STK10: variants seen among roughly 807,000 people sequenced by gnomAD.
STK10 encodes the protein serine/threonine kinase 10.
In STK10, 78 loss-of-function variants were observed where a neutral mutation model predicts 113.8. The observed-to-expected ratio is 0.69, with a 90% confidence interval of 0.57 to 0.83. The LOEUF (loss-of-function observed/expected upper bound fraction) is 0.83, where lower values mean the gene tolerates loss of function less well. Ranked by LOEUF, STK10 falls within the 40% of genes least tolerant of loss-of-function variation. The pLI, the probability that STK10 is intolerant of heterozygous loss-of-function variation, is 0.00. For missense variants in STK10, 1,109 were observed against 1,280.1 expected, an observed-to-expected ratio of 0.87 and a Z score of 2.04; for synonymous variants, 465 against 494.7, an observed-to-expected ratio of 0.94 and a Z score of 0.80.
At chr5:172,103,818 T>TAAGCTAAGCGCTTCA (rs1365194117) in intron 7 of STK10, among the ~76,000 whole-genome samples, 1 of 152,226 alleles carries the variant, frequency 6.6e-6, no homozygotes, top group Non-Finnish European at 1.5e-5. Flanking sequence ...GCTTAAGAGT[T>TAAGCTAAGCGCTTCA]AAGCTAAGCG....
At chr5:172,065,436 G>T (rs1438392227) in intron 12 of STK10, among the ~76,000 whole-genome samples, 1 of 152,004 alleles carries the variant, frequency 6.6e-6, no homozygotes, top group Non-Finnish European at 1.5e-5. Flanking sequence ...TGTTGGCCAG[G>T]CTGGTCTCAA....
intron 1 of STK10, among the ~76,000 whole-genome samples, chr5:172,180,950 C>T (rs1028092544): frequency 1.3e-5 from 2 of 152,212 alleles, no homozygotes; most frequent in Non-Finnish European, 2.9e-5. Flanking sequence ...TGCTATAATG[C>T]TAAGGTCGTA....
intron 2 of STK10, among the ~76,000 whole-genome samples, chr5:172,147,257 C>T (rs34002428): frequency 0.086 from 13,064 of 152,196 alleles, 652 homozygotes; most frequent in South Asian, 0.14. Flanking sequence ...CCAGAGGTTC[C>T]CTGAACCCTA....
At chr5:172,135,562 T>C (rs1769836853) in intron 2 of STK10, among the ~76,000 whole-genome samples, 1 of 151,946 alleles carries the variant, frequency 6.6e-6, no homozygotes, top group Admixed American at 6.6e-5. Context: ...ATGGAGAAAT[T>C]GGAACCTTCA....
At chr5:172,126,382 T>C (rs1008267613) in intron 3 of STK10, among the ~76,000 whole-genome samples, 1 of 152,128 alleles carries the variant, frequency 6.6e-6, no homozygotes, top group Non-Finnish European at 1.5e-5. Context: ...CTGGCCAACA[T>C]GGTGAAACCC....
chr5:172,132,045 T>C (rs1769767610), intron 2 of STK10, among the ~76,000 whole-genome samples: 1 of 152,240 alleles, frequency 6.6e-6, no homozygotes, highest in African/African-American at 2.4e-5. Flanking sequence ...AACCTTGGAC[T>C]TCCCAGCCTC....
Position 172,054,670 on chromosome 5 carries a change from G to C in STK10, c.2551C>G (p.Gln851Glu), listed in dbSNP as rs1767707119. ...KQFSQQEEKR[Q>E]KSERLQQQQK... ...TGTTGCTGCAGCCGCTCCGACTTCT[G>C]CCTCTTCTCCTCCTGCTGGGAGAAC... The change falls in exon 17 of 19, where the codon CAG (glutamine) becomes GAG (glutamate). Residue 851 changes from glutamine (Q) to glutamate (E), a missense_variant. Gln to Glu is a conservative substitution (Grantham distance 29). This residue lies in a region of STK10 where 885 missense variants were observed against 991.1 expected (regional missense o/e 0.89). Coordinates refer to ENST00000176763, the MANE Select transcript of STK10 (RefSeq NM_005990.4). The C allele has an allele frequency of 1.2e-6, 2 of 1,610,506 alleles. No individual in the cohort carries two copies. Among genetic ancestry groups the C allele is most frequent in the Admixed American group, 1.7e-5 (1 of 60,022 alleles).
At chr5:172,067,199 A>G (rs1768089483) in intron 12 of STK10, among the ~76,000 whole-genome samples, 1 of 152,010 alleles carries the variant, frequency 6.6e-6, no homozygotes, top group Admixed American at 6.6e-5. Flanking sequence ...AAATATTAAT[A>G]CAAAAAACTA....
At chr5:172,090,717 A>G (rs1284869902) in intron 9 of STK10, among the ~76,000 whole-genome samples, 1 of 151,958 alleles carries the variant, frequency 6.6e-6, no homozygotes, top group Non-Finnish European at 1.5e-5. Flanking sequence ...CAGGCGGATC[A>G]CAAGGTCAGG....
chr5:172,057,299 C>T (rs1253055164), intron 15 of STK10, 50 bp downstream of exon 15: 1 of 1,559,466 alleles, frequency 6.4e-7, no homozygotes, highest in Non-Finnish European at 8.7e-7. Context: ...CATGGCTCTC[C>T]CAGGTCGGCC....
At chr5:172,054,838 G>T in intron 16 of STK10, 144 bp from the exon 17 acceptor site, 1 of 1,252,146 alleles carries the variant, frequency 8.0e-7, no homozygotes, top group Non-Finnish European at 1.1e-6. Flanking sequence ...CTCAGGCTGT[G>T]CCCGTGTTAA....
chr5:172,170,300 T>C (rs920249986), intron 1 of STK10, among the ~76,000 whole-genome samples: 2 of 152,142 alleles, frequency 1.3e-5, no homozygotes, highest in Non-Finnish European at 2.9e-5. Context: ...TCTCTGGCTG[T>C]TCTCCAGTTT....
chr5:172,137,728 A>C (rs1486247347), intron 2 of STK10, among the ~76,000 whole-genome samples: 10 of 149,742 alleles, frequency 6.7e-5, no homozygotes, highest in Non-Finnish European at 1.2e-4. Flanking sequence ...AAAATACAAA[A>C]AAAAAAAAAA....
In STK10 at chr5:172,090,222, C is replaced by G. The variant is rs753122277; in HGVS notation, c.1685+10G>C. 2 of 1,613,722 alleles carry G rather than the reference C, an allele frequency of 1.2e-6. No individual in the cohort carries two copies. Among genetic ancestry groups the G allele is most frequent in the Middle Eastern group, 1.7e-4 (1 of 5,990 alleles). On this transcript the variant is annotated intron_variant, in intron 10 of 18. Transcript: ENST00000176763. ...CTGTTACCACCATTGGTGGCCCTTC[C>G]CAGGCTTGCCTGAGAAATCTCATCT...
chr5:172,055,856 C>T, intron 15 of STK10, 80 bp from the exon 16 acceptor site: 7 of 1,279,166 alleles, frequency 5.5e-6, no homozygotes, highest in Non-Finnish European at 7.1e-6. Flanking sequence ...GGTCCCCACA[C>T]TCCACTCAGG....
In STK10 at chr5:172,133,775, C is replaced by T. The variant is rs1437845866; in HGVS notation, c.322-6354G>A. Among the ~76,000 whole-genome samples the T allele has an allele frequency of 6.6e-6, 1 of 152,200 alleles. No homozygotes were observed. Among genetic ancestry groups the T allele is most frequent in the African/African-American group, 2.4e-5 (1 of 41,442 alleles). On this transcript the variant is annotated intron_variant, in intron 2 of 18. Transcript: ENST00000176763. The surrounding 1 kb of genome is among the most constrained non-coding windows in gnomAD (Gnocchi z 4.9). ...GAATATGCAAACGAATTAATTTCTG[C>T]GCTGTTTAGTAGGTTAGTTTAAGGT... is the stretch of plus-strand genomic sequence containing the variant.
In STK10 at chr5:172,150,842, CCA is replaced by C. The variant is rs1770209556; in HGVS notation, c.321+5780_321+5781del. Among the ~76,000 whole-genome samples the C allele has an allele frequency of 2.6e-5, 4 of 152,304 alleles. No individual in the cohort carries two copies. In the South Asian group the frequency reaches 6.2e-4, roughly 24 times the overall value. On this transcript the variant is annotated intron_variant, in intron 2 of 18. Coordinates refer to ENST00000176763, the MANE Select transcript of STK10 (RefSeq NM_005990.4). ...GGCAAGAAGCCACACTGAGAAAGGCCCACAGTCACTCCTTCAGGGAGGGTAAC... is the reference window on the plus strand; with the variant it reads ...GGCAAGAAGCCACACTGAGAAAGGCCCAGTCACTCCTTCAGGGAGGGTAAC...
At chr5:172,105,438 C>G (rs1395031230) in intron 7 of STK10, 2 of 584,364 alleles carry the variant, frequency 3.4e-6, no homozygotes, top group Non-Finnish European at 6.1e-6. Flanking sequence ...CACTGGAACA[C>G]ACGCTCCATG....
chr5:172,175,829 A>T (rs3776749), intron 1 of STK10, among the ~76,000 whole-genome samples: 34,258 of 152,094 alleles, frequency 0.23, 6,560 homozygotes, highest in African/African-American at 0.52. Flanking sequence ...AGCCCTGCCA[A>T]AAAAAAGCTA....
Sources: gnomAD v4.1 joint callset for allele counts (sites outside exome capture counted in the v4.1 genomes callset) on GRCh38, gnomAD v4.1.1 for gene constraint, gnomAD v4.1.1 regional missense constraint, Gnocchi (gnomAD v3.1) non-coding constraint, MANE v1.5 for transcripts, NCBI Gene and HGNC (gene_info 2026-07-23, HGNC 2026-07-21) for gene names.